DNAJC16: variants seen among roughly 807,000 people sequenced by gnomAD.
DNAJC16 encodes DnaJ heat shock protein family (Hsp40) member C16, also known as dnaJ homolog subfamily C member 16.
DNAJC16 carries 76 observed loss-of-function variants against 92.7 expected under a neutral mutation model. That is an observed-to-expected ratio of 0.82 (90% CI 0.68 to 0.99). The LOEUF (loss-of-function observed/expected upper bound fraction) is 0.99. DNAJC16 is among the 50% of genes least tolerant of loss of function. DNAJC16 has a pLI of 0.00. For missense variants in DNAJC16, 869 were observed against 942.4 expected (o/e 0.92, Z 1.02); for synonymous variants, 328 against 358.7 (o/e 0.91, Z 0.97).
chr1:15,557,738 T>C (rs1402179719), intron 7 of DNAJC16, among the ~76,000 whole-genome samples: 1 of 151,738 alleles, frequency 6.6e-6, no homozygotes, highest in African/African-American at 2.4e-5. Context: ...GTTTTGGTTT[T>C]TTTTTTTTCT....
intron 11 of DNAJC16, among the ~76,000 whole-genome samples, 199 bp downstream of exon 11, chr1:15,564,558 T>G (rs1638767114): frequency 6.6e-6 from 1 of 151,464 alleles, no homozygotes; most frequent in Non-Finnish European, 1.5e-5. Context: ...TTTTTTTTTT[T>G]GAGACAAAGT....
At chr1:15,535,233 C>A (rs1441576122) in intron 3 of DNAJC16, among the ~76,000 whole-genome samples, 1 of 152,246 alleles carries the variant, frequency 6.6e-6, no homozygotes, top group Non-Finnish European at 1.5e-5. Context: ...TGGTCCAACT[C>A]ACCAGGTATG....
Position 15,565,970 on chromosome 1 carries a change from C to T in DNAJC16, c.1650C>T (p.Leu550=), listed in dbSNP as rs778286477. The change falls in exon 12 of 15, where the codon CTC becomes CTT. Residue 550 remains leucine (L), a synonymous_variant. Coordinates refer to ENST00000375847, the MANE Select transcript of DNAJC16 (RefSeq NM_015291.4). ...LSLIFSALFI[L]FGTVIVQAFS... ...TGATCTTCTCTGCCCTCTTCATCCT[C>T]TTCGGCACTGTCATCGTTCAGGCTT... The T allele has an allele frequency of 6.2e-7, 1 of 1,613,778 alleles. No individual in the cohort carries two copies. Among genetic ancestry groups the T allele is most frequent in the Admixed American group, 1.7e-5 (1 of 59,954 alleles).
chr1:15,534,141 C>A lies in DNAJC16; in HGVS notation c.168-96C>A, dbSNP rs76825553. 2.6e-3 allele frequency: 3,082 copies of A among 1,190,496 alleles called. 74 individuals carry two copies. The African/African-American group carries it at 0.039, about 15-fold the overall frequency. The allele number at this position is 1,190,496 out of a possible 1,614,324, so 73.7% of individuals were successfully genotyped here. A position where few individuals can be genotyped will look rare whatever the true frequency, so the allele number is the denominator to read the frequency against. ...AAACTTTCCTAACAAAATAGCCCTC[C>A]GTCTGCCTCTGTAGTGAACTCTGTG... On this transcript the variant is annotated intron_variant, in intron 2 of 14. Transcript: ENST00000375847.
At chr1:15,541,878 A>G (rs1710939060) in intron 4 of DNAJC16, among the ~76,000 whole-genome samples, 1 of 152,176 alleles carries the variant, frequency 6.6e-6, no homozygotes, top group Non-Finnish European at 1.5e-5. Flanking sequence ...TGCCTGATCA[A>G]TAGGGGTGCT....
At position 15,563,964 on chromosome 1, in the gene DNAJC16, G is replaced by T; in HGVS notation, c.1374G>T (p.Arg458Ser). Residue 458 changes from arginine (R) to serine (S), a missense_variant, in exon 10 of 15, where the codon AGG becomes AGT. Coordinates refer to ENST00000375847, the MANE Select transcript of DNAJC16 (RefSeq NM_015291.4). ...SILERRNTAG[R>S]VVYKTLEDPW... is the part of the protein sequence containing the mutation. The stretch of plus-strand genomic sequence containing the variant: ...TAGAAAGGCGCAACACAGCAGGAAG[G>T]GTGGTGTATAAAACCCTGGAAGACC... 6.2e-7 allele frequency: 1 copy of T among 1,614,164 alleles called. No individual in the cohort carries two copies. Among genetic ancestry groups the T allele is most frequent in the African/African-American group, 1.3e-5 (1 of 75,048 alleles).
chr1:15,545,273 T>C (rs1447047313), intron 5 of DNAJC16, among the ~76,000 whole-genome samples: 1 of 152,192 alleles, frequency 6.6e-6, no homozygotes, highest in African/African-American at 2.4e-5. Context: ...AAAGTGAACA[T>C]AAAAAATTTT....
chr1:15,527,406 C>G (rs982225732), intron 1 of DNAJC16, among the ~76,000 whole-genome samples: 2 of 152,198 alleles, frequency 1.3e-5, no homozygotes, highest in African/African-American at 4.8e-5. Flanking sequence ...ATAGCACTAA[C>G]GACCATTTGT....
chr1:15,556,024 C>T (rs967259398), intron 7 of DNAJC16, among the ~76,000 whole-genome samples: 21 of 149,980 alleles, frequency 1.4e-4, no homozygotes, highest in Non-Finnish European at 1.3e-4. Flanking sequence ...TAAAGGGAGC[C>T]GGGTGCAGTG....
intron 11 of DNAJC16, among the ~76,000 whole-genome samples, chr1:15,564,937 C>T (rs1003934989): frequency 3.9e-5 from 6 of 151,968 alleles, no homozygotes; most frequent in East Asian, 3.8e-4. Flanking sequence ...CAGGTTCAAG[C>T]GATTCTCCTG....
At position 15,564,368 on chromosome 1, in the gene DNAJC16, A is replaced by G; in HGVS notation, c.1598+9A>G. On this transcript the variant is annotated intron_variant, in intron 11 of 14. Transcript: ENST00000375847. ...ATTTTTCACAACAACTGGTAGGGAT[A>G]TTGCCAGGCTGAATTTCTTTTTCTC... 6.4e-7 allele frequency: 1 copy of G among 1,559,670 alleles called. No homozygotes were observed. Among genetic ancestry groups the G allele is most frequent in the Non-Finnish European group, 8.8e-7 (1 of 1,130,366 alleles).
Position 15,564,296 on chromosome 1 carries a change from G to T in DNAJC16, c.1535G>T (p.Arg512Leu). 6.2e-7 allele frequency: 1 copy of T among 1,609,396 alleles called. No homozygotes were observed. The highest frequency in any genetic ancestry group is 1.7e-4 in the Middle Eastern group (1 of 6,054). Residue 512 changes from arginine to leucine, a missense_variant, in exon 11 of 15, where the codon CGA becomes CTA. Physicochemically the swap from Arg to Leu is moderately radical, Grantham distance 102 (BLOSUM62 -2). Coordinates refer to ENST00000375847, the MANE Select transcript of DNAJC16 (RefSeq NM_015291.4). Reference sequence around the variant, plus strand: ...CTCTCTACATAGGTTTTTCTCCTTCGATGGTTCTACTCTGCTTCTGACTAC... The same window carrying T: ...CTCTCTACATAGGTTTTTCTCCTTCTATGGTTCTACTCTGCTTCTGACTAC... ...TDELAPVFLLRWFYSASDYIS... is the reference protein window; with the variant it reads ...TDELAPVFLLLWFYSASDYIS...
intron 7 of DNAJC16, among the ~76,000 whole-genome samples, chr1:15,557,182 T>G (rs958931167): frequency 5.9e-5 from 9 of 152,262 alleles, no homozygotes; most frequent in African/African-American, 1.9e-4. Context: ...GCTTTTTCTC[T>G]TCTCAGGAAG....
intron 14 of DNAJC16, 125 bp from the exon 15 acceptor site, chr1:15,567,653 G>A (rs563433536): frequency 1.9e-6 from 2 of 1,078,100 alleles, no homozygotes; most frequent in African/African-American, 1.6e-5. Context: ...CTTTTTCTCT[G>A]TGTTCAGGCC....
intron 6 of DNAJC16, among the ~76,000 whole-genome samples, chr1:15,547,762 G>T (rs113687678): frequency 8.5e-5 from 13 of 152,074 alleles, no homozygotes. Flanking sequence ...TTTGCATAGA[G>T]CAAGATACTG....
chr1:15,534,445 TG>T, intron 3 of DNAJC16, 142 bp downstream of exon 3: 1 of 820,112 alleles, frequency 1.2e-6, no homozygotes, highest in Non-Finnish European at 1.8e-6. Flanking sequence ...GAGAACAGGC[TG>T]GATGCGGTGG....
In DNAJC16 at chr1:15,551,782, A is replaced by T. The variant is rs111675823; in HGVS notation, c.1023+3354A>T. On this transcript the variant is annotated intron_variant, in intron 7 of 14. Coordinates refer to ENST00000375847, the MANE Select transcript of DNAJC16 (RefSeq NM_015291.4). ...GCATGCACCACTGGCTAATTTTTTTAAAAAATTTTTTTTGCTGAGGCAGGC... is the reference window on the plus strand; with the variant it reads ...GCATGCACCACTGGCTAATTTTTTTTAAAAATTTTTTTTGCTGAGGCAGGC... 9.6e-3 allele frequency among the ~76,000 whole-genome samples: 1,463 copies of T among 151,850 alleles called. 23 individuals carry two copies. The highest frequency in any genetic ancestry group is 0.032 in the African/African-American group (1,330 of 41,400).
chr1:15,533,378 A>G (rs1268062961), intron 2 of DNAJC16, among the ~76,000 whole-genome samples: 3 of 152,166 alleles, frequency 2.0e-5, no homozygotes, highest in Non-Finnish European at 4.4e-5. Flanking sequence ...TGTATTCCCA[A>G]CACTTTTGGA....
At chr1:15,559,373 CAT>C (rs769692010) in intron 7 of DNAJC16, among the ~76,000 whole-genome samples, 151 bp from the exon 8 acceptor site, 21 of 152,210 alleles carry the variant, frequency 1.4e-4, no homozygotes, top group Admixed American at 2.0e-4. Context: ...TAGATCACCA[CAT>C]GTTTATTCGC....
Sources: gnomAD v4.1 joint callset for allele counts (sites outside exome capture counted in the v4.1 genomes callset) on GRCh38, gnomAD v4.1.1 for gene constraint, MANE v1.5 for transcripts, NCBI Gene and HGNC (gene_info 2026-07-23, HGNC 2026-07-21) for gene names.